LRRC4C: variants seen among roughly 807,000 people sequenced by gnomAD.
LRRC4C encodes leucine-rich repeat-containing protein 4C.
In LRRC4C, 5 loss-of-function variants were observed where a neutral mutation model predicts 33.6. That is an observed-to-expected ratio of 0.15 (90% CI 0.08 to 0.31). The LOEUF (loss-of-function observed/expected upper bound fraction) is 0.31. Among genes scored for constraint, LRRC4C ranks in the 10% least tolerant of loss-of-function variants. The pLI is 1.00. For missense variants in LRRC4C, 560 were observed against 796.7 expected, an observed-to-expected ratio of 0.70 and a Z score of 3.58; for synonymous variants, 329 against 302.0, an observed-to-expected ratio of 1.09 and a Z score of -0.93.
At chr11:40,129,011 T>A (rs1340795976) in intron 6 of LRRC4C, among the ~76,000 whole-genome samples, 1 of 152,176 alleles carries the variant, frequency 6.6e-6, no homozygotes, top group East Asian at 1.9e-4. Flanking sequence ...AGTGGAAGGT[T>A]AATTTCCATG....
At chr11:40,269,340 T>C (rs917926028) in intron 4 of LRRC4C, among the ~76,000 whole-genome samples, 7 of 152,192 alleles carry the variant, frequency 4.6e-5, no homozygotes, top group African/African-American at 1.7e-4. Context: ...GTCAATCAAG[T>C]ACCTAACACT....
intron 3 of LRRC4C, among the ~76,000 whole-genome samples, chr11:40,589,767 G>A (rs1168066026): frequency 1.3e-5 from 2 of 150,538 alleles, no homozygotes; most frequent in African/African-American, 2.5e-5. Context: ...GAAATTCTGG[G>A]TTGAAAATTC....
At chr11:41,234,690 T>C (rs887779287) in intron 1 of LRRC4C, among the ~76,000 whole-genome samples, 4 of 152,076 alleles carry the variant, frequency 2.6e-5, no homozygotes, top group Admixed American at 2.6e-4. Context: ...TTGCCATATG[T>C]GGCTTTGAAG....
At chr11:40,268,117 A>G (rs1297358193) in intron 4 of LRRC4C, among the ~76,000 whole-genome samples, 1 of 152,210 alleles carries the variant, frequency 6.6e-6, no homozygotes. Flanking sequence ...CATATAGTAC[A>G]GGGAAGAGCA....
chr11:40,454,332 C>A (rs141468679), intron 3 of LRRC4C, among the ~76,000 whole-genome samples: 56 of 152,112 alleles, frequency 3.7e-4, no homozygotes, highest in Middle Eastern at 3.4e-3. Flanking sequence ...ACTGTATTAT[C>A]TTTTCAAATA....
chr11:40,200,650 G>A (rs536426991), intron 5 of LRRC4C, among the ~76,000 whole-genome samples: 3 of 149,330 alleles, frequency 2.0e-5, no homozygotes, highest in Non-Finnish European at 3.0e-5. Context: ...TCAGTTCCCC[G>A]TAGTTTATTA....
intron 3 of LRRC4C, among the ~76,000 whole-genome samples, chr11:40,428,836 T>C (rs1950809121): frequency 6.6e-6 from 1 of 152,166 alleles, no homozygotes; most frequent in Non-Finnish European, 1.5e-5. Flanking sequence ...GAAAATATAG[T>C]TGAAATGAAA....
At chr11:40,331,027 CA>C (rs1946339830) in intron 3 of LRRC4C, among the ~76,000 whole-genome samples, 1 of 152,160 alleles carries the variant, frequency 6.6e-6, no homozygotes, top group Non-Finnish European at 1.5e-5. Context: ...TCTACTGCTA[CA>C]GGGTCAAATT....
At chr11:41,291,275 TA>T (rs1949985133) in intron 1 of LRRC4C, among the ~76,000 whole-genome samples, 1 of 152,162 alleles carries the variant, frequency 6.6e-6, no homozygotes, top group Non-Finnish European at 1.5e-5. Flanking sequence ...TGATATTAGA[TA>T]GATTGCTGTT....
intron 3 of LRRC4C, among the ~76,000 whole-genome samples, chr11:40,574,325 G>A (rs1298205333): frequency 1.3e-5 from 2 of 152,138 alleles, no homozygotes; most frequent in Non-Finnish European, 2.9e-5. Flanking sequence ...GCCCAAAAGA[G>A]AACAGAACAG....
chr11:41,334,088 T>C (rs922381121), intron 1 of LRRC4C, among the ~76,000 whole-genome samples: 1 of 152,174 alleles, frequency 6.6e-6, no homozygotes, highest in Admixed American at 6.5e-5. Context: ...GATGTGCAGC[T>C]AGAAGGTTAT....
chr11:40,153,103 T>A (rs990325955), intron 5 of LRRC4C, among the ~76,000 whole-genome samples: 1 of 152,142 alleles, frequency 6.6e-6, no homozygotes, highest in African/African-American at 2.4e-5. Flanking sequence ...CATAGACAGT[T>A]CACATCACAG....
intron 3 of LRRC4C, among the ~76,000 whole-genome samples, chr11:40,481,493 G>T (rs796964029): frequency 6.6e-6 from 1 of 152,102 alleles, no homozygotes; most frequent in South Asian, 2.1e-4. Context: ...TGATTGTCAG[G>T]TGGATAGGGG....
chr11:40,429,889 T>C (rs569141357), intron 3 of LRRC4C, among the ~76,000 whole-genome samples: 1 of 152,198 alleles, frequency 6.6e-6, no homozygotes, highest in Non-Finnish European at 1.5e-5. Context: ...TTGCTCTTTT[T>C]CTCCAGTGTT....
intron 1 of LRRC4C, among the ~76,000 whole-genome samples, chr11:41,435,617 C>T (rs1955399428): frequency 6.6e-6 from 1 of 152,136 alleles, no homozygotes; most frequent in African/African-American, 2.4e-5. Context: ...AAACTTATGT[C>T]ATAAGAAAAT....
chr11:40,219,897 A>G (rs746917219), intron 5 of LRRC4C, among the ~76,000 whole-genome samples: 10 of 152,214 alleles, frequency 6.6e-5, no homozygotes, highest in Non-Finnish European at 8.8e-5. Context: ...TACTTTTGCC[A>G]TAAAAACAAA....
chr11:40,815,908 C>G (rs1276255584), intron 2 of LRRC4C, among the ~76,000 whole-genome samples: 1 of 152,188 alleles, frequency 6.6e-6, no homozygotes, highest in African/African-American at 2.4e-5. Context: ...AAGCTAATAA[C>G]TACATATCTT....
chr11:40,852,231 C>T (rs933081474), intron 2 of LRRC4C, among the ~76,000 whole-genome samples: 1 of 151,766 alleles, frequency 6.6e-6, no homozygotes, highest in Admixed American at 6.6e-5. Flanking sequence ...TTAAATATCA[C>T]ATACCCTGAG....
At chr11:41,180,908 AT>A (rs1434027251) in intron 1 of LRRC4C, among the ~76,000 whole-genome samples, 1 of 151,680 alleles carries the variant, frequency 6.6e-6, no homozygotes, top group African/African-American at 2.4e-5. Flanking sequence ...CTAAGAAGTG[AT>A]TAAAAAAAAA....
Sources: allele counts gnomAD v4.1 joint callset (sites outside exome capture counted in the v4.1 genomes callset), GRCh38; gene constraint gnomAD v4.1.1; transcripts MANE v1.5; gene names NCBI Gene and HGNC (gene_info 2026-07-23, HGNC 2026-07-21).